The following SPATA6 variants were observed in gnomAD, a reference collection of about 807,000 sequenced individuals.
SPATA6 encodes the protein spermatogenesis associated 6, also known as spermatogenesis-associated protein 6.
In SPATA6, 56 loss-of-function variants were observed where a neutral mutation model predicts 65.3. That is an observed-to-expected ratio of 0.86 (90% CI 0.69 to 1.07). The LOEUF is 1.07. Ranked by LOEUF, SPATA6 falls within the 50% of genes least tolerant of loss-of-function variation. SPATA6 has a pLI of 0.00. For synonymous variants in SPATA6, 199 were observed against 213.2 expected (o/e 0.93, Z 0.58); for missense variants, 590 against 594.8 (o/e 0.99, Z 0.08).
At chr1:48,374,399 G>A (rs1647649722) in intron 9 of SPATA6, among the ~76,000 whole-genome samples, 1 of 151,878 alleles carries the variant, frequency 6.6e-6, no homozygotes, top group Non-Finnish European at 1.5e-5. Context: ...ACACACTAAT[G>A]GAAAAACATA....
chr1:48,336,507 T>A (rs1173748211), intron 11 of SPATA6, among the ~76,000 whole-genome samples: 1 of 152,052 alleles, frequency 6.6e-6, no homozygotes, highest in African/African-American at 2.4e-5. Context: ...GAGGCCATTA[T>A]CCTTAGCAAA....
At chr1:48,362,263 G>T (rs1477937378) in intron 9 of SPATA6, among the ~76,000 whole-genome samples, 1 of 151,010 alleles carries the variant, frequency 6.6e-6, no homozygotes, top group African/African-American at 2.4e-5. Flanking sequence ...CAAAGAAAAA[G>T]AAAAAAAAGA....
intron 3 of SPATA6, among the ~76,000 whole-genome samples, chr1:48,431,249 G>A (rs1265113159): frequency 6.6e-6 from 1 of 152,004 alleles, no homozygotes; most frequent in East Asian, 1.9e-4. Context: ...CATCTATAAA[G>A]AGATCATAAA....
chr1:48,423,719 T>G (rs1653578858), intron 3 of SPATA6, among the ~76,000 whole-genome samples: 1 of 151,934 alleles, frequency 6.6e-6, no homozygotes, highest in African/African-American at 2.4e-5. Context: ...GGCTAATGTT[T>G]GTATTTAGTA....
chr1:48,368,687 T>C (rs1260416490), intron 9 of SPATA6, among the ~76,000 whole-genome samples: 1 of 152,236 alleles, frequency 6.6e-6, no homozygotes, highest in Non-Finnish European at 1.5e-5. Flanking sequence ...ATTCTAGTTA[T>C]ACATTTGTCT....
intron 3 of SPATA6, among the ~76,000 whole-genome samples, chr1:48,415,432 T>A (rs1369701449): frequency 1.3e-5 from 2 of 152,180 alleles, no homozygotes; most frequent in African/African-American, 4.8e-5. Context: ...TTGGTTTTTG[T>A]TTTTGTTTTT....
chr1:48,313,947 C>T (rs956712994), intron 11 of SPATA6, among the ~76,000 whole-genome samples: 1 of 151,986 alleles, frequency 6.6e-6, no homozygotes, highest in Non-Finnish European at 1.5e-5. Flanking sequence ...ACAAAGAAGC[C>T]CATTACATAA....
intron 3 of SPATA6, 22 bp from the exon 4 acceptor site, chr1:48,413,173 T>C: frequency 7.2e-7 from 1 of 1,389,514 alleles, no homozygotes; most frequent in South Asian, 1.6e-5. Context: ...AAGAAAAATT[T>C]CCTTAAATAA....
At chr1:48,313,447 C>T (rs555035846) in intron 11 of SPATA6, among the ~76,000 whole-genome samples, 49 of 152,136 alleles carry the variant, frequency 3.2e-4, no homozygotes, top group African/African-American at 1.2e-3. Flanking sequence ...CCAAACTAAG[C>T]TTCATAAGTG....
chr1:48,410,250 CT>C (rs1454627148), intron 5 of SPATA6, among the ~76,000 whole-genome samples: 1 of 152,208 alleles, frequency 6.6e-6, no homozygotes, highest in Admixed American at 6.5e-5. Flanking sequence ...CTGCCACTCT[CT>C]TTGCTAAAGC....
rs144410111 is a variant in SPATA6, at chr1:48,388,240, C to CAA, written c.869-2893_869-2892dup. ...AGATACCACGGATGCTGCTTATAAA[C>CAA]AAAAAAAAAATCACACAGAGACTAC... On this transcript the variant is annotated intron_variant, in intron 8 of 12. Transcript: ENST00000371847. Among the ~76,000 whole-genome samples the CAA allele has an allele frequency of 4.1e-5, 6 of 147,078 alleles. No individual in the cohort carries two copies. In the East Asian group the frequency reaches 1.2e-3, roughly 29 times the overall value.
chr1:48,316,671 A>C (rs1278208746), intron 11 of SPATA6, among the ~76,000 whole-genome samples: 2 of 152,210 alleles, frequency 1.3e-5, no homozygotes, highest in Admixed American at 6.5e-5. Flanking sequence ...CAAAAGCCAA[A>C]ATTGACAAAT....
intron 9 of SPATA6, among the ~76,000 whole-genome samples, chr1:48,368,047 A>G (rs1647089166): frequency 6.6e-6 from 1 of 152,036 alleles, no homozygotes; most frequent in African/African-American, 2.4e-5. Context: ...TTTCTCCTTC[A>G]CTTATGAAGC....
At chr1:48,280,244 T>C in the SPATA6 span, among the ~76,000 whole-genome samples, 3 of 151,598 alleles carry the variant, frequency 2.0e-5, no homozygotes, top group African/African-American at 4.9e-5. Context: ...AGATGCAAAA[T>C]TGACACCCTA....
intron 11 of SPATA6, among the ~76,000 whole-genome samples, chr1:48,338,106 C>T (rs1044518621): frequency 6.6e-6 from 1 of 151,786 alleles, no homozygotes; most frequent in Non-Finnish European, 1.5e-5. Context: ...ATTATTAGTA[C>T]AAAAATAGAT....
intron 11 of SPATA6, among the ~76,000 whole-genome samples, chr1:48,340,241 T>TAAAAAAA (rs58721253): frequency 1.3e-4 from 7 of 53,058 alleles, no homozygotes; most frequent in East Asian, 5.8e-4. Context: ...AGGCCTGCAC[T>TAAAAAAA]AAAAAAAAAA....
chr1:48,436,839 C>G (rs1214407914), intron 3 of SPATA6: 6 of 1,612,192 alleles, frequency 3.7e-6, no homozygotes, highest in Non-Finnish European at 5.1e-6. Flanking sequence ...CATTGGATAT[C>G]AGTATTTTCC....
At chr1:48,384,298 C>T (rs1276786618) in intron 9 of SPATA6, among the ~76,000 whole-genome samples, 3 of 106,354 alleles carry the variant, frequency 2.8e-5, no homozygotes, top group Non-Finnish European at 2.0e-5. Context: ...ACCGTCCAGC[C>T]TTGGCTCGGC....
chr1:48,470,766 T>G (rs910939321), intron 1 of SPATA6, among the ~76,000 whole-genome samples: 6 of 151,360 alleles, frequency 4.0e-5, no homozygotes, highest in Admixed American at 2.0e-4. Flanking sequence ...GCCAGTAGGG[T>G]GTACAGGAAG....
Sources: gnomAD v4.1 joint callset for allele counts (sites outside exome capture counted in the v4.1 genomes callset) on GRCh38, gnomAD v4.1.1 for gene constraint, MANE v1.5 for transcripts, NCBI Gene and HGNC (gene_info 2026-07-23, HGNC 2026-07-21) for gene names.